Variants in DLC1 observed in about 807,000 individuals in gnomAD.
DLC1 encodes rho GTPase-activating protein 7.
A neutral mutation model predicts 140.3 loss-of-function variants in DLC1; 54 were observed. That is an observed-to-expected ratio of 0.38 (90% CI 0.31 to 0.48). The LOEUF is 0.48. DLC1 is among the 20% of genes least tolerant of loss of function. DLC1 has a pLI of 0.96. For synonymous variants in DLC1, 986 were observed against 728.1 expected, an observed-to-expected ratio of 1.35 and a Z score of -5.70; for missense variants, 2,536 against 1,907.0, an observed-to-expected ratio of 1.33 and a Z score of -6.14.
intron 2 of DLC1, among the ~76,000 whole-genome samples, chr8:13,419,657 C>T (rs553975592): frequency 6.6e-6 from 1 of 152,242 alleles, no homozygotes; most frequent in African/African-American, 2.4e-5. Flanking sequence ...TCACCAAGGA[C>T]ATTGGTCTAA....
chr8:13,191,009 A>G (rs967014268), intron 5 of DLC1, among the ~76,000 whole-genome samples: 1 of 151,554 alleles, frequency 6.6e-6, no homozygotes, highest in Non-Finnish European at 1.5e-5. Context: ...GTGCTGGGGG[A>G]TTATATTGGG....
At chr8:13,454,727 T>A (rs1799310628) in intron 2 of DLC1, among the ~76,000 whole-genome samples, 1 of 152,140 alleles carries the variant, frequency 6.6e-6, no homozygotes, top group South Asian at 2.1e-4. Flanking sequence ...GCTAATTTTT[T>A]AATTTTTGTA....
intron 4 of DLC1, among the ~76,000 whole-genome samples, chr8:13,356,691 C>T (rs1834956615): frequency 1.3e-5 from 2 of 152,102 alleles, no homozygotes; most frequent in South Asian, 4.1e-4. Flanking sequence ...TGTTGCTAGC[C>T]CATGGTCTAG....
In DLC1 at chr8:13,183,954, T is replaced by G. The variant is rs552280236; in HGVS notation, c.1349-68297A>C. On this transcript the variant is annotated intron_variant, in intron 5 of 17. Coordinates refer to ENST00000276297, the MANE Select transcript of DLC1 (RefSeq NM_182643.3). ...TGAATCCATCTGGTCCTGGACTTTT[T>G]TTGGAAAGTAGGCTATTAATTATTG... Among the ~76,000 whole-genome samples, 3 of 152,318 alleles carry G rather than the reference T, an allele frequency of 2.0e-5. No homozygotes were observed. In the East Asian group the frequency reaches 5.8e-4, roughly 29 times the overall value.
In DLC1 at chr8:13,308,465, C is replaced by G. The variant is rs546750723; in HGVS notation, c.1315-3163G>C. 1.4e-3 allele frequency among the ~76,000 whole-genome samples: 211 copies of G among 152,278 alleles called. 2 individuals are homozygous for G. Among genetic ancestry groups the G allele is most frequent in the African/African-American group, 5.0e-3 (207 of 41,574 alleles). On this transcript the variant is annotated intron_variant, in intron 4 of 17. Transcript: ENST00000276297. Reference sequence around the variant, plus strand: ...TTGAATTTGAGGGAGAACTGTCTCTCTAGAAAGTTGTTTATGAATAAATAT... The same window carrying G: ...TTGAATTTGAGGGAGAACTGTCTCTGTAGAAAGTTGTTTATGAATAAATAT...
At chr8:13,492,083 G>T (rs899814251) in intron 2 of DLC1, among the ~76,000 whole-genome samples, 1 of 152,072 alleles carries the variant, frequency 6.6e-6, no homozygotes. Context: ...GTCTTCTGTG[G>T]GTATAGAGAG....
chr8:13,290,368 T>C (rs755664724), intron 5 of DLC1, among the ~76,000 whole-genome samples: 4 of 152,212 alleles, frequency 2.6e-5, no homozygotes, highest in Admixed American at 2.6e-4. Flanking sequence ...TCAGCAGGCC[T>C]GGAGGCATCC....
At chr8:13,532,452 T>A (rs955025395) in intron 1 of DLC1, among the ~76,000 whole-genome samples, 1 of 152,248 alleles carries the variant, frequency 6.6e-6, no homozygotes, top group African/African-American at 2.4e-5. Context: ...GTAAGAATTC[T>A]GAGAGGAAAG....
chr8:13,198,867 C>T (rs1827216775), intron 5 of DLC1, among the ~76,000 whole-genome samples: 3 of 151,984 alleles, frequency 2.0e-5, no homozygotes, highest in African/African-American at 7.3e-5. Context: ...CAGATGTGCA[C>T]CACCACACCC....
chr8:13,260,313 G>T (rs377466659), intron 5 of DLC1, among the ~76,000 whole-genome samples: 1 of 152,148 alleles, frequency 6.6e-6, no homozygotes, highest in African/African-American at 2.4e-5. Flanking sequence ...CTAACTTTAG[G>T]TAAGAATGAT....
intron 1 of DLC1, among the ~76,000 whole-genome samples, chr8:13,590,435 A>G (rs917146580): frequency 6.6e-6 from 1 of 152,086 alleles, no homozygotes; most frequent in Non-Finnish European, 1.5e-5. Flanking sequence ...TATTCTCATA[A>G]TTACAGTCAT....
At chr8:13,199,382 C>T (rs1585894861) in intron 5 of DLC1, among the ~76,000 whole-genome samples, 1 of 151,842 alleles carries the variant, frequency 6.6e-6, no homozygotes, top group Non-Finnish European at 1.5e-5. Flanking sequence ...GGAGATCTTG[C>T]CATGTTTCCC....
chr8:13,205,686 C>T (rs576894261), intron 5 of DLC1, among the ~76,000 whole-genome samples: 3 of 152,246 alleles, frequency 2.0e-5, no homozygotes, highest in African/African-American at 7.2e-5. Flanking sequence ...GCATTCAAAG[C>T]TGTCTTGGGA....
At chr8:13,148,642 C>A (rs753317294) in intron 5 of DLC1, among the ~76,000 whole-genome samples, 1 of 151,932 alleles carries the variant, frequency 6.6e-6, no homozygotes, top group Non-Finnish European at 1.5e-5. Flanking sequence ...GTAACATCTG[C>A]AGGCTTGAGA....
At chr8:13,575,607 C>G (rs1014884450) in intron 1 of DLC1, among the ~76,000 whole-genome samples, 1 of 152,074 alleles carries the variant, frequency 6.6e-6, no homozygotes, top group Non-Finnish European at 1.5e-5. Flanking sequence ...AAAATGCAGT[C>G]CTAATTTTTA....
At chr8:13,586,812 C>G (rs1006152571) in intron 1 of DLC1, among the ~76,000 whole-genome samples, 5 of 151,938 alleles carry the variant, frequency 3.3e-5, no homozygotes, top group African/African-American at 1.2e-4. Context: ...TTTGAAGTGC[C>G]TATAGATAGT....
intron 5 of DLC1, among the ~76,000 whole-genome samples, chr8:13,295,496 A>G (rs1279754654): frequency 6.6e-6 from 1 of 152,238 alleles, no homozygotes; most frequent in Non-Finnish European, 1.5e-5. Context: ...GGCACCAGCC[A>G]TTTATTGGGC....
At chr8:13,121,156 T>C (rs1190734883) in intron 5 of DLC1, among the ~76,000 whole-genome samples, 1 of 152,194 alleles carries the variant, frequency 6.6e-6, no homozygotes, top group African/African-American at 2.4e-5. Context: ...GCAGATTCCC[T>C]GGATTCCCTA....
intron 10 of DLC1, among the ~76,000 whole-genome samples, 200 bp downstream of exon 10, chr8:13,098,199 C>T (rs1186592426): frequency 6.6e-6 from 1 of 152,068 alleles, no homozygotes; most frequent in African/African-American, 2.4e-5. Context: ...CACCGCACTC[C>T]AGCCTACGTA....
Sources: gnomAD v4.1 joint callset for allele counts (sites outside exome capture counted in the v4.1 genomes callset) on GRCh38, gnomAD v4.1.1 for gene constraint, MANE v1.5 for transcripts, NCBI Gene and HGNC (gene_info 2026-07-23, HGNC 2026-07-21) for gene names.